PAH: variants seen among roughly 807,000 people sequenced by gnomAD.
The protein encoded by PAH is phenylalanine hydroxylase, also known as phenylalanine-4-hydroxylase.
PAH carries 64 observed loss-of-function variants against 62.0 expected under a neutral mutation model. The observed-to-expected ratio is 1.03, with a 90% CI of 0.84 to 1.27. The LOEUF (loss-of-function observed/expected upper bound fraction) is 1.27. PAH is among the 50% of genes most tolerant of loss of function. The pLI, the probability that PAH is intolerant of heterozygous loss-of-function variation, is 0.00. For synonymous variants in PAH, 195 were observed against 196.2 expected (o/e 0.99, Z 0.05); for missense variants, 579 against 542.8 (o/e 1.07, Z -0.66).
upstream of PAH, among the ~76,000 whole-genome samples, chr12:102,921,139 G>T (rs1878542560): frequency 6.6e-6 from 1 of 152,150 alleles, no homozygotes; most frequent in Non-Finnish European, 1.5e-5. Context: ...ACACCAACCA[G>T]CAGGCAAAAG....
chr12:102,880,335 C>A (rs1437256381), intron 3 of PAH, among the ~76,000 whole-genome samples: 3 of 152,176 alleles, frequency 2.0e-5, no homozygotes, highest in Non-Finnish European at 2.9e-5. Context: ...ACTTTAGAGT[C>A]ACCCAGGGCT....
intron 2 of PAH, among the ~76,000 whole-genome samples, chr12:102,904,314 T>A (rs1877884724): frequency 6.6e-6 from 1 of 152,188 alleles, no homozygotes; most frequent in South Asian, 2.1e-4. Context: ...ACCCCAAACC[T>A]AGGTTATCAC....
At chr12:102,951,816 CTGTTT>C (rs1460846717), upstream of PAH, among the ~76,000 whole-genome samples, 3 of 147,368 alleles carry the variant, frequency 2.0e-5, no homozygotes, top group Non-Finnish European at 1.5e-5. Context: ...TCATTTGAGT[CTGTTT>C]TATGTTCCCC....
intron 6 of PAH, chr12:102,853,536 TC>T (rs1356830804): frequency 5.9e-6 from 1 of 168,570 alleles, no homozygotes; most frequent in Non-Finnish European, 1.3e-5. Context: ...AGGACCTCAT[TC>T]CAGTCTGCTC....
rs925346998 is a variant in PAH, at chr12:102,838,600, C to A, written c.*575G>T. The stretch of plus-strand genomic sequence containing the variant: ...GTATTTATGATTACAATAAAACATA[C>A]AAAAATGTTTTTATATTAATATAAT... On this transcript the variant is annotated 3_prime_UTR_variant, in exon 13 of 13. Coordinates refer to ENST00000553106, the MANE Select transcript of PAH (RefSeq NM_000277.3). 6.6e-6 allele frequency: 1 copy of A among 152,242 alleles called. No homozygotes were observed. The allele number at this position is 152,242 out of a possible 1,614,324, so 9.4% of individuals were successfully genotyped here. A position where few individuals can be genotyped will look rare whatever the true frequency, so the allele number is the denominator to read the frequency against.
chr12:102,906,267 T>C (rs1877973139), intron 2 of PAH, among the ~76,000 whole-genome samples: 1 of 152,204 alleles, frequency 6.6e-6, no homozygotes, highest in South Asian at 2.1e-4. Context: ...AGTGGGAGTA[T>C]AAATTCTTAC....
intron 9 of PAH, among the ~76,000 whole-genome samples, chr12:102,845,781 G>T (rs1874812896): frequency 6.6e-6 from 1 of 152,200 alleles, no homozygotes; most frequent in African/African-American, 2.4e-5. Flanking sequence ...AAGGCAACAT[G>T]CATGTAGTTA....
intron 1 of PAH, among the ~76,000 whole-genome samples, chr12:102,943,503 C>T (rs1385861980): frequency 6.6e-6 from 1 of 152,146 alleles, no homozygotes; most frequent in East Asian, 1.9e-4. Context: ...CTGTGGAAAG[C>T]TGTTTGGAGA....
chr12:102,942,406 A>G (rs1243698859), intron 1 of PAH, among the ~76,000 whole-genome samples: 3 of 152,206 alleles, frequency 2.0e-5, no homozygotes. Flanking sequence ...AACACTGCTG[A>G]AAGAAATCAG....
At chr12:102,883,874 C>T (rs1876923264) in intron 3 of PAH, among the ~76,000 whole-genome samples, 1 of 152,228 alleles carries the variant, frequency 6.6e-6, no homozygotes, top group African/African-American at 2.4e-5. Context: ...TACTTAAGCC[C>T]TCTGTTCCCT....
intron 3 of PAH, among the ~76,000 whole-genome samples, chr12:102,882,090 G>T (rs1876833083): frequency 6.6e-6 from 1 of 152,196 alleles, no homozygotes; most frequent in Admixed American, 6.5e-5. Flanking sequence ...GAGTACAAGG[G>T]TTCTCTCTTC....
chr12:102,905,986 A>C (rs117354907), intron 2 of PAH, among the ~76,000 whole-genome samples: 1 of 152,214 alleles, frequency 6.6e-6, no homozygotes, highest in South Asian at 2.1e-4. Flanking sequence ...TGTAACACAC[A>C]TAACAGTATT....
At position 102,840,430 on chromosome 12, in the gene PAH, G is replaced by T. The variant is rs764974157; in HGVS notation, c.1285C>A (p.Gln429Lys). 41 of 1,613,552 alleles carry T rather than the reference G, an allele frequency of 2.5e-5. No homozygotes were observed. Among genetic ancestry groups the T allele is most frequent in the Middle Eastern group, 1.6e-4 (1 of 6,084 alleles). Reference protein sequence around the residue: ...QRIEVLDNTQQLKILADSINS... With the variant: ...QRIEVLDNTQKLKILADSINS... ...ATGGAATCAGCCAAAATCTTAAGCT[G>T]CTGGGTATTGTCCAAGACCTCAATC... Residue 429 changes from glutamine (Q) to lysine (K), a missense_variant, in exon 12 of 13, where the codon CAG becomes AAG. Transcript: ENST00000553106.
upstream of PAH, among the ~76,000 whole-genome samples, chr12:102,951,824 T>C (rs1000677049): frequency 6.6e-6 from 1 of 151,670 alleles, no homozygotes; most frequent in Non-Finnish European, 1.5e-5. Context: ...GTCTGTTTTA[T>C]GTTCCCCTGC....
chr12:102,838,042 A>G lies in PAH; in HGVS notation c.*1133T>C, dbSNP rs1053413347. The G allele has an allele frequency of 6.6e-6, 1 of 152,272 alleles. No homozygotes were observed. Among genetic ancestry groups the G allele is most frequent in the South Asian group, 2.1e-4 (1 of 4,838 alleles). 9.4% of individuals were successfully genotyped at this position (152,272 alleles called of 1,614,324 possible). A position where few individuals can be genotyped will look rare whatever the true frequency, so the allele number is the denominator to read the frequency against. On this transcript the variant is annotated 3_prime_UTR_variant, in exon 13 of 13. Transcript: ENST00000553106. Reference sequence around the variant, plus strand: ...CTTAACTATTTCCAAAATAAAATGTAAAGTAGTATGAGAATTTCAAATCAT... The same window carrying G: ...CTTAACTATTTCCAAAATAAAATGTGAAGTAGTATGAGAATTTCAAATCAT...
upstream of PAH, among the ~76,000 whole-genome samples, chr12:102,919,089 T>G (rs1037673877): frequency 3.3e-5 from 5 of 152,210 alleles, no homozygotes; most frequent in Non-Finnish European, 5.9e-5. Flanking sequence ...AACTATGCAC[T>G]CCCTTTTAAT....
intron 2 of PAH, among the ~76,000 whole-genome samples, chr12:102,904,064 T>TC (rs1877875576): frequency 6.6e-6 from 1 of 152,142 alleles, no homozygotes; most frequent in Non-Finnish European, 1.5e-5. Flanking sequence ...TCTACTGAGG[T>TC]CAGTGGGATG....
At chr12:102,939,600 G>A (rs1222529154) in intron 1 of PAH, among the ~76,000 whole-genome samples, 1 of 152,096 alleles carries the variant, frequency 6.6e-6, no homozygotes, top group Non-Finnish European at 1.5e-5. Context: ...TCATCATGCA[G>A]CTTCCATACA....
At chr12:102,864,315 A>C (rs1023484736) in intron 5 of PAH, among the ~76,000 whole-genome samples, 3 of 152,082 alleles carry the variant, frequency 2.0e-5, no homozygotes, top group Non-Finnish European at 2.9e-5. Flanking sequence ...TAACTATTTG[A>C]GATTCTGATT....
Sources: allele counts gnomAD v4.1 joint callset (sites outside exome capture counted in the v4.1 genomes callset), GRCh38; gene constraint gnomAD v4.1.1; transcripts MANE v1.5; gene names NCBI Gene and HGNC (gene_info 2026-07-23, HGNC 2026-07-21).